TNKS2: variants seen among roughly 807,000 people sequenced by gnomAD.
TNKS2 encodes poly [ADP-ribose] polymerase tankyrase-2.
In TNKS2, 72 loss-of-function variants were observed where a neutral mutation model predicts 137.6. The observed-to-expected ratio is 0.52, with a 90% CI of 0.43 to 0.64. The LOEUF (loss-of-function observed/expected upper bound fraction) is 0.64. TNKS2 is among the 30% of genes least tolerant of loss of function. The pLI is 0.00. For missense variants in TNKS2, 1,049 were observed against 1,410.2 expected (o/e 0.74, Z 4.10); for synonymous variants, 516 against 512.1 (o/e 1.01, Z -0.10).
rs140168418 is a variant in TNKS2 at position 91,828,338 on chromosome 10, C to T, written c.1036C>T (p.Arg346Ter). 1.2e-6 allele frequency: 2 copies of T among 1,607,006 alleles called. No individual in the cohort carries two copies. The highest frequency in any genetic ancestry group is 1.3e-5 in the African/African-American group (1 of 74,404). The part of the protein sequence containing the change: ...LQAAREADVT[R>*]IKKHLSLEMV... ...AGCTGCACGAGAAGCTGATGTTACT[C>T]GAATCAAAAAACATCTCTCTCTGGA... is the stretch of plus-strand genomic sequence containing the variant. The change falls in exon 9 of 27, where the codon CGA becomes TGA. Residue 346 changes from arginine (R) to a stop codon, truncating the protein, a stop_gained. Coordinates refer to ENST00000371627, the MANE Select transcript of TNKS2 (RefSeq NM_025235.4). LOFTEE classifies it high-confidence loss of function.
At chr10:91,843,117 T>C (rs547333670) in intron 16 of TNKS2, among the ~76,000 whole-genome samples, 1 of 152,300 alleles carries the variant, frequency 6.6e-6, no homozygotes, top group South Asian at 2.1e-4. Context: ...ATCTCAAAAC[T>C]CTCAGAAGTT....
intron 20 of TNKS2, 25 bp from the exon 21 acceptor site, chr10:91,851,191 A>G (rs201722648): frequency 1.5e-5 from 24 of 1,612,000 alleles, no homozygotes; most frequent in South Asian, 1.1e-5. Context: ...TAAGCATTCT[A>G]AGTAGTTTCC....
intron 12 of TNKS2, among the ~76,000 whole-genome samples, chr10:91,835,884 AGGCAT>A (rs60689981): frequency 0.32 from 48,929 of 151,162 alleles, 8,358 homozygotes; most frequent in South Asian, 0.52. Context: ...CTGGGATTAC[AGGCAT>A]GAGCCACCAC....
intron 2 of TNKS2, among the ~76,000 whole-genome samples, chr10:91,813,733 C>T (rs1246069909): frequency 6.6e-6 from 1 of 152,128 alleles, no homozygotes; most frequent in Non-Finnish European, 1.5e-5. Flanking sequence ...ACATAGTATG[C>T]AGTCATGCTC....
At chr10:91,830,854 G>A (rs1845223366) in intron 9 of TNKS2, 69 bp from the exon 10 acceptor site, 2 of 1,271,242 alleles carry the variant, frequency 1.6e-6, no homozygotes, top group Admixed American at 2.5e-5. Flanking sequence ...GTTCTTGATT[G>A]GAAACACGAA....
chr10:91,834,107 G>A, intron 12 of TNKS2, 83 bp downstream of exon 12: 4 of 1,169,272 alleles, frequency 3.4e-6, no homozygotes. Flanking sequence ...GGTAGGAGTT[G>A]GTAATAAGAA....
At chr10:91,846,921 A>C (rs778614428) in intron 18 of TNKS2, among the ~76,000 whole-genome samples, 1 of 152,248 alleles carries the variant, frequency 6.6e-6, no homozygotes, top group Non-Finnish European at 1.5e-5. Flanking sequence ...GGGGCTTTAG[A>C]GTCAGACAGA....
rs1842188146 is a variant in TNKS2, at chr10:91,840,773, AAATAT to A, written c.1673+73_1673+77del. On this transcript the variant is annotated intron_variant, in intron 14 of 26. Coordinates refer to ENST00000371627, the MANE Select transcript of TNKS2 (RefSeq NM_025235.4). ...ACTTGACCTTTTTAGGAAAACCTGG[AAATAT>A]AATATGTTTTATTTTTCAAGAAAGC... The A allele has an allele frequency of 1.8e-5, 26 of 1,439,534 alleles. 3 individuals are homozygous for A. The South Asian group carries it at 3.5e-4, about 19-fold the overall frequency. The allele number at this position is 1,439,534 out of a possible 1,614,324, so 89.2% of individuals were successfully genotyped here. A position where few individuals can be genotyped will look rare whatever the true frequency, so the allele number is the denominator to read the frequency against.
At chr10:91,833,422 TAATA>T (rs747251602) in intron 11 of TNKS2, among the ~76,000 whole-genome samples, 17 of 152,260 alleles carry the variant, frequency 1.1e-4, no homozygotes, top group South Asian at 2.1e-4. Context: ...ATATTTTAGG[TAATA>T]AATAAGGGAG....
chr10:91,801,957 G>A (rs1262092139), intron 1 of TNKS2, among the ~76,000 whole-genome samples: 7 of 152,308 alleles, frequency 4.6e-5, no homozygotes, highest in Non-Finnish European at 7.4e-5. Flanking sequence ...TAAAGAAGAG[G>A]TGACACAAAC....
intron 1 of TNKS2, among the ~76,000 whole-genome samples, chr10:91,799,130 G>A (rs1386651081): frequency 2.0e-5 from 3 of 152,106 alleles, no homozygotes; most frequent in African/African-American, 7.2e-5. Context: ...GGGTGGTTTG[G>A]GGTTTTGGCT....
intron 20 of TNKS2, among the ~76,000 whole-genome samples, chr10:91,849,908 A>G (rs1410786030): frequency 6.6e-6 from 1 of 152,174 alleles, no homozygotes; most frequent in Non-Finnish European, 1.5e-5. Flanking sequence ...TCTAGCTGCT[A>G]TGGGAAGGTA....
Position 91,798,638 on chromosome 10 carries a change from G to GGCTCCTGCTCCGGTTGCTGGC in TNKS2, c.-49_-29dup. On this transcript the variant is annotated 5_prime_UTR_variant, in exon 1 of 27. Transcript: ENST00000371627. ...CTCGCCCTCCTGCTCGCGGGGCCGG[G>GGCTCCTGCTCCGGTTGCTGGC]GCTCCTGCTCCGGTTGCTGGCGCTG... 24 of 1,212,700 alleles carry GGCTCCTGCTCCGGTTGCTGGC rather than the reference G, an allele frequency of 2.0e-5. No homozygotes were observed. Among genetic ancestry groups the GGCTCCTGCTCCGGTTGCTGGC allele is most frequent in the Non-Finnish European group, 2.5e-5 (24 of 975,338 alleles). The allele number at this position is 1,212,700 out of a possible 1,614,324, so 75.1% of individuals were successfully genotyped here.
At chr10:91,831,931 G>A (rs911224118) in intron 11 of TNKS2, among the ~76,000 whole-genome samples, 1 of 152,106 alleles carries the variant, frequency 6.6e-6, no homozygotes, top group Non-Finnish European at 1.5e-5. Flanking sequence ...TAGATGTGCT[G>A]TAGATGAAGG....
At chr10:91,856,911 T>C (rs1281398640) in intron 23 of TNKS2, among the ~76,000 whole-genome samples, 1 of 142,994 alleles carries the variant, frequency 7.0e-6, no homozygotes, top group South Asian at 2.6e-4. Context: ...CTAATGAGAC[T>C]GATATCCACC....
chr10:91,803,451 G>A (rs1844237709), intron 1 of TNKS2, among the ~76,000 whole-genome samples: 1 of 152,098 alleles, frequency 6.6e-6, no homozygotes, highest in Non-Finnish European at 1.5e-5. Flanking sequence ...AGAGCAGCCT[G>A]GGCAACATGG....
chr10:91,833,354 G>C (rs1008777076), intron 11 of TNKS2, among the ~76,000 whole-genome samples: 4 of 152,094 alleles, frequency 2.6e-5, no homozygotes, highest in African/African-American at 9.7e-5. Flanking sequence ...TCAGTAGTTT[G>C]TTCCTTTTTA....
In TNKS2 at chr10:91,808,688, A is replaced by G. The variant is rs182246717; in HGVS notation, c.200-4295A>G. Among the ~76,000 whole-genome samples, 197 of 152,290 alleles carry G rather than the reference A, an allele frequency of 1.3e-3. 1 individual carries two copies. Among genetic ancestry groups the G allele is most frequent in the African/African-American group, 4.5e-3 (188 of 41,572 alleles). ...TATCCAGAAGGAAATATGTTAAGCA[A>G]ACATTCTGGAATTTGGGTGAAAAGT... On this transcript the variant is annotated intron_variant, in intron 1 of 26. Coordinates refer to ENST00000371627, the MANE Select transcript of TNKS2 (RefSeq NM_025235.4).
chr10:91,860,221 C>T (rs576357487), intron 25 of TNKS2, among the ~76,000 whole-genome samples: 1 of 152,202 alleles, frequency 6.6e-6, no homozygotes, highest in African/African-American at 2.4e-5. Flanking sequence ...ATTTAAGTAA[C>T]TTGTCCCTAA....
Sources: allele counts gnomAD v4.1 joint callset (sites outside exome capture counted in the v4.1 genomes callset), GRCh38; gene constraint gnomAD v4.1.1; transcripts MANE v1.5; gene names NCBI Gene and HGNC (gene_info 2026-07-23, HGNC 2026-07-21).